Variants in MNAT1 observed in about 807,000 individuals in gnomAD.
MNAT1 encodes the protein CDK-activating kinase assembly factor MAT1.
Under a neutral mutation model 42.0 loss-of-function variants are expected in MNAT1, and 43 were observed. That is an observed-to-expected ratio of 1.02 (90% CI 0.80 to 1.32). The LOEUF (loss-of-function observed/expected upper bound fraction) is 1.32. MNAT1 is among the 40% of genes most tolerant of loss of function. The pLI, the probability that MNAT1 is intolerant of heterozygous loss-of-function variation, is 0.00. For synonymous variants in MNAT1, 118 were observed against 120.0 expected (o/e 0.98, Z 0.11); for missense variants, 306 against 350.4 (o/e 0.87, Z 1.01).
At chr14:60,775,920 G>A (rs1426011464) in intron 1 of MNAT1, among the ~76,000 whole-genome samples, 1 of 152,214 alleles carries the variant, frequency 6.6e-6, no homozygotes, top group Non-Finnish European at 1.5e-5. Flanking sequence ...ATGTCTGGCA[G>A]TGTTGAGTCT....
In MNAT1 at chr14:60,741,658, G is replaced by GTT. The variant is rs3049888; in HGVS notation, c.89+6728_89+6729dup. ...ACAGGCGTGAGCCACTGCGCCTGGGGTTTTTTTTTTTTTTTTTTTTTTAAT... is the reference window on the plus strand; with the variant it reads ...ACAGGCGTGAGCCACTGCGCCTGGGGTTTTTTTTTTTTTTTTTTTTTTTTAAT... On this transcript the variant is annotated intron_variant, in intron 1 of 7. Transcript: ENST00000261245. Among the ~76,000 whole-genome samples the GTT allele has an allele frequency of 2.0e-3, 180 of 92,018 alleles. 3 individuals are homozygous for GTT. Among genetic ancestry groups the GTT allele is most frequent in the African/African-American group, 5.7e-3 (139 of 24,288 alleles). The allele number at this position is 92,018 out of a possible 152,430, so 60.4% of individuals were successfully genotyped here.
At chr14:60,888,250 A>G (rs533844526) in intron 7 of MNAT1, among the ~76,000 whole-genome samples, 8 of 150,852 alleles carry the variant, frequency 5.3e-5, no homozygotes, top group Admixed American at 4.0e-4. Flanking sequence ...CTTATCCACC[A>G]TGATCAAGTG....
chr14:60,739,182 T>C (rs1243667922), intron 1 of MNAT1, among the ~76,000 whole-genome samples: 2 of 151,734 alleles, frequency 1.3e-5, no homozygotes, highest in African/African-American at 4.8e-5. Context: ...ATTGGAGAGA[T>C]GGATGGGAGA....
chr14:60,777,442 C>A (rs189754040), intron 1 of MNAT1, among the ~76,000 whole-genome samples: 5 of 152,088 alleles, frequency 3.3e-5, no homozygotes, highest in Admixed American at 2.6e-4. Flanking sequence ...CCTCTCCCCC[C>A]CCAAAATTTT....
intron 6 of MNAT1, among the ~76,000 whole-genome samples, chr14:60,864,422 T>C (rs886552921): frequency 4.6e-5 from 7 of 152,036 alleles, no homozygotes; most frequent in Admixed American, 2.6e-4. Context: ...AGTTCTATAA[T>C]AGAGAAGTGC....
intron 7 of MNAT1, among the ~76,000 whole-genome samples, chr14:60,954,851 T>C (rs1176466374): frequency 6.6e-6 from 1 of 152,184 alleles, no homozygotes; most frequent in Non-Finnish European, 1.5e-5. Context: ...TTAGCTATCG[T>C]ATTTTATATA....
At chr14:60,761,026 A>G (rs768575796) in intron 1 of MNAT1, among the ~76,000 whole-genome samples, 37 of 152,222 alleles carry the variant, frequency 2.4e-4, no homozygotes, top group Non-Finnish European at 3.5e-4. Context: ...TGGCCATTGT[A>G]CTTTTTTTCT....
chr14:60,881,543 G>C (rs2034551915), intron 7 of MNAT1, among the ~76,000 whole-genome samples: 1 of 151,964 alleles, frequency 6.6e-6, no homozygotes, highest in Non-Finnish European at 1.5e-5. Flanking sequence ...TCTTGCATTA[G>C]TGTTCATAAA....
At chr14:60,746,961 C>T (rs1456643773) in intron 1 of MNAT1, among the ~76,000 whole-genome samples, 5 of 43,212 alleles carry the variant, frequency 1.2e-4, no homozygotes, top group Non-Finnish European at 2.8e-4. Flanking sequence ...CACACACACA[C>T]ACACACACAC....
chr14:60,942,622 G>A (rs1366112183), intron 7 of MNAT1, among the ~76,000 whole-genome samples: 1 of 151,698 alleles, frequency 6.6e-6, no homozygotes, highest in African/African-American at 2.4e-5. Flanking sequence ...CTGATTTAGC[G>A]CCCTTCTTTT....
chr14:60,856,587 A>G (rs1302244252), intron 6 of MNAT1, among the ~76,000 whole-genome samples: 1 of 152,150 alleles, frequency 6.6e-6, no homozygotes, highest in Admixed American at 6.5e-5. Flanking sequence ...GAAGAAGTCA[A>G]TGCCCGGTTT....
At chr14:60,867,335 T>C (rs2034226873) in intron 6 of MNAT1, among the ~76,000 whole-genome samples, 2 of 152,152 alleles carry the variant, frequency 1.3e-5, no homozygotes, top group Non-Finnish European at 2.9e-5. Context: ...TTTGTGAAAA[T>C]TGGTAATCTA....
chr14:60,839,877 C>T (rs1323811807), intron 6 of MNAT1, among the ~76,000 whole-genome samples: 1 of 152,198 alleles, frequency 6.6e-6, no homozygotes, highest in Non-Finnish European at 1.5e-5. Flanking sequence ...CACTCATGCA[C>T]CCGTCACTGC....
In MNAT1 at chr14:60,835,241, C is replaced by T. The variant is rs144649254; in HGVS notation, c.687+16394C>T. 3.8e-3 allele frequency among the ~76,000 whole-genome samples: 584 copies of T among 152,140 alleles called. 2 individuals carry two copies. Among genetic ancestry groups the T allele is most frequent in the Non-Finnish European group, 5.7e-3 (390 of 68,004 alleles). ...TGTGTCTTTTAATTGGGGCATTTAG[C>T]CTGTTTACATTTACGATTAACATTG... is the stretch of plus-strand genomic sequence containing the variant. On this transcript the variant is annotated intron_variant, in intron 6 of 7. Coordinates refer to ENST00000261245, the MANE Select transcript of MNAT1 (RefSeq NM_002431.4).
At chr14:60,863,229 A>G (rs1299858655) in intron 6 of MNAT1, among the ~76,000 whole-genome samples, 2 of 152,162 alleles carry the variant, frequency 1.3e-5, no homozygotes, top group African/African-American at 4.8e-5. Context: ...ATTGAGTTTC[A>G]TATAAAGAAT....
At chr14:60,755,125 A>G (rs1295377824) in intron 1 of MNAT1, among the ~76,000 whole-genome samples, 1 of 151,950 alleles carries the variant, frequency 6.6e-6, no homozygotes, top group African/African-American at 2.4e-5. Flanking sequence ...CAACCTCCCA[A>G]GTAGCTAGGA....
chr14:60,791,452 G>A (rs1246270762), intron 1 of MNAT1, among the ~76,000 whole-genome samples: 1 of 151,968 alleles, frequency 6.6e-6, no homozygotes, highest in Admixed American at 6.6e-5. Context: ...TTTTTTCTCA[G>A]GATTTGGAAT....
intron 7 of MNAT1, among the ~76,000 whole-genome samples, chr14:60,946,407 A>G (rs2036277058): frequency 6.6e-6 from 1 of 152,222 alleles, no homozygotes; most frequent in Admixed American, 6.5e-5. Context: ...CTTGCTAATT[A>G]CAAAATTTGG....
chr14:60,759,561 A>G (rs537103686), intron 1 of MNAT1, among the ~76,000 whole-genome samples: 1 of 152,360 alleles, frequency 6.6e-6, no homozygotes, highest in South Asian at 2.1e-4. Flanking sequence ...AGTAGCCATC[A>G]TTAACATGAG....
Sources: allele counts gnomAD v4.1 joint callset (sites outside exome capture counted in the v4.1 genomes callset), GRCh38; gene constraint gnomAD v4.1.1; transcripts MANE v1.5; gene names NCBI Gene and HGNC (gene_info 2026-07-23, HGNC 2026-07-21).